The following PSD3 variants were observed in gnomAD, a reference collection of about 807,000 sequenced individuals.
PSD3 encodes the protein PH and SEC7 domain-containing protein 3.
PSD3 carries 49 observed loss-of-function variants against 105.5 expected under a neutral mutation model. That is an observed-to-expected ratio of 0.46 (90% CI 0.37 to 0.59). PSD3 has a LOEUF of 0.59. PSD3 is among the 20% of genes least tolerant of loss of function. The pLI is 0.00. For missense variants in PSD3, 1,561 were observed against 1,263.8 expected (o/e 1.24, Z -3.57); for synonymous variants, 557 against 457.8 (o/e 1.22, Z -2.77).
chr8:18,581,868 T>C (rs961974040), intron 12 of PSD3, among the ~76,000 whole-genome samples: 3 of 152,186 alleles, frequency 2.0e-5, no homozygotes, highest in African/African-American at 7.2e-5. Flanking sequence ...GGATTTACTC[T>C]TTGCTTGAAA....
At chr8:18,591,998 G>A (rs1199245477) in intron 12 of PSD3, among the ~76,000 whole-genome samples, 2 of 152,110 alleles carry the variant, frequency 1.3e-5, no homozygotes, top group Non-Finnish European at 2.9e-5. Context: ...TTCTTCAAAT[G>A]TGCAGATCCC....
intron 14 of PSD3, among the ~76,000 whole-genome samples, chr8:18,565,679 A>T (rs1801694896): frequency 6.6e-6 from 1 of 152,180 alleles, no homozygotes. Context: ...TTTGTAAAGT[A>T]AAATTATCCA....
At chr8:19,039,052 T>C (rs757872772) in intron 1 of PSD3, among the ~76,000 whole-genome samples, 45 of 152,164 alleles carry the variant, frequency 3.0e-4, no homozygotes, top group Non-Finnish European at 5.3e-4. Context: ...CCCCGGCAAT[T>C]TGACCTTTAA....
chr8:18,599,230 T>A (rs749589537), intron 12 of PSD3, among the ~76,000 whole-genome samples: 49 of 152,202 alleles, frequency 3.2e-4, no homozygotes, highest in African/African-American at 1.2e-3. Flanking sequence ...ACCAACAGAA[T>A]GGAACACAGA....
At chr8:18,722,543 T>G (rs938690664) in intron 9 of PSD3, among the ~76,000 whole-genome samples, 2 of 152,176 alleles carry the variant, frequency 1.3e-5, no homozygotes, top group African/African-American at 4.8e-5. Context: ...TGGAAAACAT[T>G]AATTCTTTCT....
chr8:18,535,739 G>A lies in PSD3; in HGVS notation c.*4C>T, dbSNP rs892234606. 1.9e-6 allele frequency: 3 copies of A among 1,601,738 alleles called. No individual in the cohort carries two copies. Among genetic ancestry groups the A allele is most frequent in the Non-Finnish European group, 2.6e-6 (3 of 1,168,820 alleles). On this transcript the variant is annotated 3_prime_UTR_variant, in exon 16 of 16. Transcript: ENST00000327040. ...GACCAGCACTTCCTGGCCGCAGATG[G>A]ACTCTAAGTAACTTTTTGCTTAATG...
intron 9 of PSD3, among the ~76,000 whole-genome samples, chr8:18,705,073 C>T (rs752374840): frequency 2.8e-4 from 43 of 152,004 alleles, no homozygotes; most frequent in Non-Finnish European, 3.5e-4. Context: ...GTATGGAACA[C>T]CCTTCCTAGA....
rs1816807488 is a variant in PSD3, at chr8:18,865,266, ATATATATATATATATATATATTT to A, written c.1634+2385_1634+2407del. On this transcript the variant is annotated intron_variant, in intron 4 of 15. Coordinates refer to ENST00000327040, the MANE Select transcript of PSD3 (RefSeq NM_015310.4). Reference sequence around the variant, plus strand: ...TATATATATATATATATATATATATATATATATATATATATATATATTTTTTTTTTTTTTTTTTTTTTTAAAGG... The same window carrying A: ...TATATATATATATATATATATATATATTTTTTTTTTTTTTTTTTTTAAAGG... 7 of 3,330 alleles carry A rather than the reference ATATATATATATATATATATATTT, an allele frequency of 2.1e-3. 1 individual carries two copies. Among genetic ancestry groups the A allele is most frequent in the Admixed American group, 8.1e-3 (2 of 248 alleles). 0.2% of individuals were successfully genotyped at this position (3,330 alleles called of 1,614,324 possible). A position where few individuals can be genotyped will look rare whatever the true frequency, so the allele number is the denominator to read the frequency against.
chr8:18,894,029 CTAAG>C lies in PSD3; in HGVS notation c.131-21300_131-21297del, dbSNP rs370289880. ...ACACCGGTGCGGTGGCAAATGTACC[CTAAG>C]TCAGTCAATATATATAAATTGCTTA... On this transcript the variant is annotated intron_variant, in intron 2 of 15. Transcript: ENST00000327040. Among the ~76,000 whole-genome samples the C allele has an allele frequency of 3.4e-3, 523 of 152,276 alleles. 3 individuals are homozygous for C. The highest frequency in any genetic ancestry group is 6.8e-3 in the Middle Eastern group (2 of 294).
At chr8:18,573,714 T>C (rs536743758) in intron 13 of PSD3, among the ~76,000 whole-genome samples, 7 of 152,298 alleles carry the variant, frequency 4.6e-5, no homozygotes, top group African/African-American at 1.7e-4. Context: ...TATATTAGTC[T>C]GTTTATATGA....
chr8:18,584,987 T>C (rs998147709), intron 12 of PSD3, among the ~76,000 whole-genome samples: 1 of 152,136 alleles, frequency 6.6e-6, no homozygotes, highest in African/African-American at 2.4e-5. Flanking sequence ...GTAGAAGTCA[T>C]GTCATATATA....
intron 14 of PSD3, among the ~76,000 whole-genome samples, chr8:18,559,898 G>A (rs756627464): frequency 2.0e-5 from 3 of 152,138 alleles, no homozygotes; most frequent in Non-Finnish European, 4.4e-5. Flanking sequence ...TGTTTCTACA[G>A]CAGCATAAAG....
intron 1 of PSD3, among the ~76,000 whole-genome samples, chr8:18,970,324 C>CAAAAAAAAAAAAAAA (rs11450922): frequency 2.6e-4 from 12 of 45,300 alleles, no homozygotes; most frequent in Non-Finnish European, 3.3e-4. Flanking sequence ...GACTCTGCCT[C>CAAAAAAAAAAAAAAA]AAAAAAAAAA....
chr8:18,962,731 A>G (rs193139841), intron 1 of PSD3, among the ~76,000 whole-genome samples: 1 of 152,244 alleles, frequency 6.6e-6, no homozygotes, highest in African/African-American at 2.4e-5. Context: ...TTCTTAAAAA[A>G]AGAAAGTCAT....
rs397893093 is a variant in PSD3 at position 19,061,803 on chromosome 8, T to TAA, written c.324+22401_324+22402dup. ...CTGGGCGACAGAGTGAGACTCCGTC[T>TAA]AAAAAAAAAAAAAAAATCACTTCCC... On this transcript the variant is annotated intron_variant, in intron 1 of 1. Transcript: ENST00000521475. Among the ~76,000 whole-genome samples the TAA allele has an allele frequency of 5.3e-3, 750 of 142,126 alleles. 3 individuals carry two copies. Among genetic ancestry groups the TAA allele is most frequent in the Non-Finnish European group, 5.6e-3 (362 of 64,360 alleles). 93.2% of individuals were successfully genotyped at this position (142,126 alleles called of 152,430 possible). A position where few individuals can be genotyped will look rare whatever the true frequency, so the allele number is the denominator to read the frequency against.
chr8:19,027,075 C>T (rs1827582539), intron 1 of PSD3, among the ~76,000 whole-genome samples: 2 of 152,120 alleles, frequency 1.3e-5, no homozygotes, highest in African/African-American at 2.4e-5. Flanking sequence ...ATAGAATTCT[C>T]ATTGCACAAT....
chr8:18,707,342 A>G (rs1216989469), intron 9 of PSD3, among the ~76,000 whole-genome samples: 1 of 152,180 alleles, frequency 6.6e-6, no homozygotes, highest in African/African-American at 2.4e-5. Context: ...TTCTATACAC[A>G]GCCCACAGCA....
intron 11 of PSD3, among the ~76,000 whole-genome samples, chr8:18,624,096 G>A (rs1806313769): frequency 6.6e-6 from 1 of 152,048 alleles, no homozygotes; most frequent in Non-Finnish European, 1.5e-5. Context: ...CATGACTTCT[G>A]TAACACTAAG....
intron 1 of PSD3, among the ~76,000 whole-genome samples, chr8:18,961,228 T>C (rs917101446): frequency 2.0e-4 from 30 of 152,196 alleles, no homozygotes; most frequent in Non-Finnish European, 4.4e-5. Context: ...ATAGAATCAT[T>C]GTTAATAAAG....
Sources: gnomAD v4.1 joint callset for allele counts (sites outside exome capture counted in the v4.1 genomes callset) on GRCh38, gnomAD v4.1.1 for gene constraint, MANE v1.5 for transcripts, NCBI Gene and HGNC (gene_info 2026-07-23, HGNC 2026-07-21) for gene names.